The following GSN variants were observed in gnomAD, a reference collection of about 807,000 sequenced individuals.
GSN encodes gelsolin.
In GSN, 56 loss-of-function variants were observed where a neutral mutation model predicts 85.7. That is an observed-to-expected ratio of 0.65 (90% CI 0.53 to 0.82). GSN has a LOEUF of 0.82. Among genes scored for constraint, GSN ranks in the 40% least tolerant of loss-of-function variants. The probability of loss-of-function intolerance (pLI) is 0.00; values close to 1 mark genes in which losing one functional copy is unlikely to be tolerated. For missense variants in GSN, 857 were observed against 979.8 expected (o/e 0.87, Z 1.67); for synonymous variants, 373 against 399.1 (o/e 0.93, Z 0.78).
At chr9:121,315,220 C>T (rs567592619) in intron 7 of GSN, among the ~76,000 whole-genome samples, 2 of 152,292 alleles carry the variant, frequency 1.3e-5, no homozygotes, top group South Asian at 2.1e-4. Context: ...CTTTTTTCCA[C>T]TCAACATGGT....
At chr9:121,331,529 G>A (rs2063903707) in intron 17 of GSN, 81 bp downstream of exon 17, 1 of 816,030 alleles carries the variant, frequency 1.2e-6, no homozygotes. Context: ...ACAGGTCTGG[G>A]AATGAGCATC....
At chr9:121,202,954 G>C (rs967971128), upstream of GSN, among the ~76,000 whole-genome samples, 2 of 151,908 alleles carry the variant, frequency 1.3e-5, no homozygotes, top group Non-Finnish European at 2.9e-5. Flanking sequence ...GTGAAACCCC[G>C]TCTCTACTAA....
rs778242830 is a variant in GSN, at chr9:121,318,808, C to T, written c.1119C>T (p.Ala373=). 66 of 1,614,006 alleles carry T rather than the reference C, an allele frequency of 4.1e-5. No individual in the cohort carries two copies. The highest frequency in any genetic ancestry group is 1.6e-4 in the Middle Eastern group (1 of 6,084). ...ACGTGGAGCGGGTGCCCTTCGACGCCGCCACCCTGCACACCTCCACTGCCA... is the reference window on the plus strand; with the variant it reads ...ACGTGGAGCGGGTGCCCTTCGACGCTGCCACCCTGCACACCTCCACTGCCA... ...IANVERVPFD[A]ATLHTSTAMA... Residue 373 remains alanine, a synonymous_variant, in exon 10 of 18, where the codon GCC becomes GCT. Transcript: ENST00000432226. The surrounding 1 kb of genome is among the most constrained non-coding windows in gnomAD (Gnocchi z 4.3).
chr9:121,261,299 C>G lies in GSN; in HGVS notation c.-340-3855C>G, dbSNP rs76092338. 2.0e-5 allele frequency among the ~76,000 whole-genome samples: 3 copies of G among 152,244 alleles called. No homozygotes were observed. Among genetic ancestry groups the G allele is most frequent in the Non-Finnish European group, 4.4e-5 (3 of 68,042 alleles). ...GCATGGGCTGTTAGGGCTGTGGGCC[C>G]CTGTGCCCCTCCACAGGAAACGTCT... On this transcript the variant is annotated intron_variant, in intron 6 of 24. Coordinates refer to the GSN transcript ENST00000373823. This position sits in a 1 kb window ranked among gnomAD's most constrained non-coding sequence, Gnocchi z 4.1.
At position 121,310,763 on chromosome 9, in the gene GSN, G is replaced by A. The variant is rs144099356; in HGVS notation, c.431G>A (p.Arg144Gln). 5.9e-5 allele frequency: 95 copies of A among 1,614,086 alleles called. No individual in the cohort carries two copies. In the East Asian group the frequency reaches 9.8e-4, roughly 17 times the overall value. Reference sequence around the variant, plus strand: ...CAGAGACTCTTCCAGGTCAAAGGGCGGCGTGTGGTCCGTGCCACCGAGGTA... The same window carrying A: ...CAGAGACTCTTCCAGGTCAAAGGGCAGCGTGTGGTCCGTGCCACCGAGGTA... ...VVQRLFQVKG[R>Q]RVVRATEVPV... Residue 144 changes from arginine to glutamine, a missense_variant, in exon 5 of 18, where the codon CGG becomes CAG. Coordinates refer to ENST00000432226, the MANE Select transcript of GSN (RefSeq NM_198252.3).
rs150915218 is a variant in GSN at position 121,298,739 on chromosome 9, A to T, written c.-9-3224A>T. ...TGCATCAGGCTGCAGGGTGAAGGGG[A>T]GGTCTGGGATACAAAGAGAACTTAG... On this transcript the variant is annotated intron_variant, in intron 2 of 17. Transcript: ENST00000432226. Among the ~76,000 whole-genome samples, 77 of 152,246 alleles carry T rather than the reference A, an allele frequency of 5.1e-4. No individual in the cohort carries two copies. The Middle Eastern group carries it at 0.01, about 20-fold the overall frequency.
At chr9:121,313,176 C>T (rs2061362667) in intron 6 of GSN, 1 of 155,198 alleles carries the variant, frequency 6.4e-6, no homozygotes, top group Non-Finnish European at 1.4e-5. Flanking sequence ...CACTGAGCCC[C>T]AATCCCCTCT....
At chr9:121,215,638 G>C (rs1355059624) in intron 4 of GSN, among the ~76,000 whole-genome samples, 1 of 151,452 alleles carries the variant, frequency 6.6e-6, no homozygotes, top group East Asian at 1.9e-4. Flanking sequence ...AGGTTGCAGT[G>C]AGCCAAGATC....
At chr9:121,233,369 G>T (rs1484851237) in intron 5 of GSN, among the ~76,000 whole-genome samples, 2 of 152,152 alleles carry the variant, frequency 1.3e-5, no homozygotes, top group Non-Finnish European at 2.9e-5. Flanking sequence ...GGAGGCTGAG[G>T]CAGGAGAATC....
At chr9:121,250,149 A>G (rs1588479960) in intron 6 of GSN, among the ~76,000 whole-genome samples, 2 of 150,192 alleles carry the variant, frequency 1.3e-5, no homozygotes, top group Non-Finnish European at 1.5e-5. Flanking sequence ...ACCAATGACT[A>G]TATCTTCTGG....
intron 5 of GSN, among the ~76,000 whole-genome samples, chr9:121,235,986 G>C (rs999183073): frequency 6.6e-6 from 1 of 152,086 alleles, no homozygotes; most frequent in Non-Finnish European, 1.5e-5. Context: ...TCATGAACTG[G>C]GTGGCTTAAA....
Position 121,332,488 on chromosome 9 carries a change from C to A in GSN, c.2081C>A (p.Thr694Asn), listed in dbSNP as rs1444199254. 1 of 1,614,046 alleles carries A rather than the reference C, an allele frequency of 6.2e-7. No homozygotes were observed. The highest frequency in any genetic ancestry group is 8.5e-7 in the Non-Finnish European group (1 of 1,179,924). The part of the protein sequence containing the change: ...PANRDRRTPI[T>N]VVKQGFEPPS... ...AATCGGGATCGGCGGACGCCCATCACCGTGGTGAAGCAAGGCTTTGAGCCT... is the reference window on the plus strand; with the variant it reads ...AATCGGGATCGGCGGACGCCCATCAACGTGGTGAAGCAAGGCTTTGAGCCT... Residue 694 changes from threonine (T) to asparagine (N), a missense_variant, in exon 18 of 18, where the codon ACC becomes AAC. Physicochemically the swap from Thr to Asn is moderately conservative, Grantham distance 65. Transcript: ENST00000432226. The surrounding 1 kb of genome is among the most constrained non-coding windows in gnomAD (Gnocchi z 4.8).
chr9:121,305,566 GTTCAGAGTAGACAT>G (rs1332453392), intron 4 of GSN, among the ~76,000 whole-genome samples: 1 of 152,224 alleles, frequency 6.6e-6, no homozygotes, highest in Non-Finnish European at 1.5e-5. Flanking sequence ...CACAGACCTG[GTTCAGAGTAGACAT>G]TTGGAGGCTC....
intron 14 of GSN, among the ~76,000 whole-genome samples, chr9:121,327,866 C>A (rs1324322893): frequency 6.8e-6 from 1 of 147,302 alleles, no homozygotes; most frequent in African/African-American, 2.7e-5. Context: ...CCCAGCTACT[C>A]GGGAGGCTGA....
At chr9:121,236,649 G>C (rs1255693300) in intron 5 of GSN, among the ~76,000 whole-genome samples, 2 of 152,184 alleles carry the variant, frequency 1.3e-5, no homozygotes, top group African/African-American at 4.8e-5. Context: ...ATGGAGTAGG[G>C]AAGTTGCTAT....
chr9:121,224,884 T>G (rs1012948825), intron 4 of GSN, among the ~76,000 whole-genome samples: 1 of 152,068 alleles, frequency 6.6e-6, no homozygotes, highest in Non-Finnish European at 1.5e-5. Flanking sequence ...AGCAGCACAA[T>G]CATGGCTCAC....
intron 2 of GSN, among the ~76,000 whole-genome samples, chr9:121,296,275 C>T (rs1159875241): frequency 1.3e-5 from 2 of 152,204 alleles, no homozygotes; most frequent in African/African-American, 2.4e-5. Flanking sequence ...GGCAACACCT[C>T]TTTCCAGTTG....
rs942341584 is a variant in GSN, at chr9:121,261,205, G to A, written c.-340-3949G>A. Among the ~76,000 whole-genome samples, 2 of 152,246 alleles carry A rather than the reference G, an allele frequency of 1.3e-5. No individual in the cohort carries two copies. The highest frequency in any genetic ancestry group is 4.8e-5 in the African/African-American group (2 of 41,452). On this transcript the variant is annotated intron_variant, in intron 6 of 24. Coordinates refer to the GSN transcript ENST00000373823. The surrounding 1 kb of genome is among the most constrained non-coding windows in gnomAD (Gnocchi z 4.1). ...CGCTGAGCCCAGAAGAGTGGGGCTG[G>A]GCTTTCAGAAACAGCTGGGCTGATT... is the stretch of plus-strand genomic sequence containing the variant.
intron 6 of GSN, among the ~76,000 whole-genome samples, chr9:121,256,491 T>G (rs966753364): frequency 6.6e-6 from 1 of 152,020 alleles, no homozygotes; most frequent in African/African-American, 2.4e-5. Flanking sequence ...GTCTCGAGGA[T>G]GTAGAAAGTA....
Sources: allele counts gnomAD v4.1 joint callset (sites outside exome capture counted in the v4.1 genomes callset), GRCh38; gene constraint gnomAD v4.1.1; non-coding constraint Gnocchi (gnomAD v3.1); transcripts MANE v1.5; gene names NCBI Gene and HGNC (gene_info 2026-07-23, HGNC 2026-07-21).